DGKD: variants seen among roughly 807,000 people sequenced by gnomAD.
The protein encoded by DGKD is DAG kinase delta.
A neutral mutation model predicts 154.4 loss-of-function variants in DGKD; 68 were observed. The observed-to-expected ratio is 0.44, with a 90% CI of 0.36 to 0.54. The LOEUF (loss-of-function observed/expected upper bound fraction) is 0.54. Among genes scored for constraint, DGKD ranks in the 20% least tolerant of loss-of-function variants. The pLI is 0.00. For missense variants in DGKD, 1,343 were observed against 1,593.6 expected (o/e 0.84, Z 2.68); for synonymous variants, 693 against 638.0 (o/e 1.09, Z -1.30).
chr2:233,372,674 A>G (rs561231897), intron 1 of DGKD, among the ~76,000 whole-genome samples: 5 of 151,926 alleles, frequency 3.3e-5, no homozygotes, highest in South Asian at 2.1e-4. Context: ...ATTAGTCACA[A>G]TTGTCTGTGT....
intron 3 of DGKD, among the ~76,000 whole-genome samples, chr2:233,413,737 C>T (rs1352313714): frequency 6.6e-6 from 1 of 152,252 alleles, no homozygotes; most frequent in Non-Finnish European, 1.5e-5. Flanking sequence ...GTCAGGCTGG[C>T]AGGCTGTGGC....
intron 1 of DGKD, among the ~76,000 whole-genome samples, chr2:233,383,332 C>T (rs1239831590): frequency 2.6e-5 from 4 of 152,150 alleles, no homozygotes; most frequent in African/African-American, 7.2e-5. Flanking sequence ...TGAGCCACCG[C>T]GCCCAGCCCG....
At chr2:233,361,483 G>A (rs1294240821) in intron 1 of DGKD, among the ~76,000 whole-genome samples, 1 of 152,162 alleles carries the variant, frequency 6.6e-6, no homozygotes, top group Non-Finnish European at 1.5e-5. Flanking sequence ...CAAGGGAGGC[G>A]AGGCACTTGA....
chr2:233,410,508 A>T (rs7599218), intron 3 of DGKD, among the ~76,000 whole-genome samples: 1 of 152,114 alleles, frequency 6.6e-6, no homozygotes, highest in Non-Finnish European at 1.5e-5. Flanking sequence ...ACCAATGAAG[A>T]GATTGGGTAT....
intron 1 of DGKD, among the ~76,000 whole-genome samples, chr2:233,362,561 G>T (rs763838561): frequency 2.0e-5 from 3 of 152,194 alleles, no homozygotes; most frequent in Admixed American, 6.5e-5. Context: ...TGAGGCAGGA[G>T]CATCGCTTGA....
intron 1 of DGKD, among the ~76,000 whole-genome samples, chr2:233,378,360 C>T (rs1451674457): frequency 6.0e-5 from 9 of 150,058 alleles, no homozygotes; most frequent in Admixed American, 1.3e-4. Flanking sequence ...TGCAGTGAGC[C>T]GAGATTGTGC....
intron 12 of DGKD, 54 bp from the exon 13 acceptor site, chr2:233,448,033 A>C: frequency 2.5e-6 from 4 of 1,609,800 alleles, no homozygotes; most frequent in Non-Finnish European, 3.4e-6. Context: ...TGGGACTGTC[A>C]TGGAGCTTGC....
Position 233,469,577 on chromosome 2 carries a change from C to G in DGKD, c.*117C>G. On this transcript the variant is annotated 3_prime_UTR_variant, in exon 30 of 30. Coordinates refer to ENST00000264057, the MANE Select transcript of DGKD (RefSeq NM_152879.3). ...TGAGGCCCTGGGCAGATGCTGCAGC[C>G]CGCCCCCTTCTCATGGTGCTACTTC... 1 of 825,880 alleles carries G rather than the reference C, an allele frequency of 1.2e-6. No homozygotes were observed. The highest frequency in any genetic ancestry group is 2.7e-5 in the East Asian group (1 of 37,458). The allele number at this position is 825,880 out of a possible 1,614,324, so 51.2% of individuals were successfully genotyped here.
chr2:233,376,995 GA>G (rs373230419), intron 1 of DGKD, among the ~76,000 whole-genome samples: 2,380 of 140,448 alleles, frequency 0.017, 61 homozygotes, highest in African/African-American at 0.058. Context: ...TTTCTTTTTG[GA>G]AAAAAAAAAC....
At chr2:233,371,008 T>C (rs1031346470) in intron 1 of DGKD, among the ~76,000 whole-genome samples, 1 of 142,614 alleles carries the variant, frequency 7.0e-6, no homozygotes, top group Non-Finnish European at 1.5e-5. Flanking sequence ...TGCCTTGGCC[T>C]CCCAGAGTGC....
chr2:233,377,217 T>C (rs899636843), intron 1 of DGKD, among the ~76,000 whole-genome samples: 3 of 151,806 alleles, frequency 2.0e-5, no homozygotes, highest in Non-Finnish European at 2.9e-5. Context: ...CGAGTAGCTG[T>C]GATTACAGGT....
At chr2:233,450,334 G>C (rs1228040101) in intron 16 of DGKD, among the ~76,000 whole-genome samples, 1 of 152,156 alleles carries the variant, frequency 6.6e-6, no homozygotes, top group Admixed American at 6.5e-5. Context: ...TGTCTTGGTG[G>C]ACAGCAGTAG....
chr2:233,390,475 A>G lies in DGKD; in HGVS notation c.340A>G (p.Ser114Gly). The change falls in exon 3 of 30, where the codon AGT (serine) becomes GGT (glycine). Residue 114 changes from serine (S) to glycine (G), a missense_variant. Ser to Gly is a moderately conservative substitution (Grantham distance 56, BLOSUM62 0). Coordinates refer to ENST00000264057, the MANE Select transcript of DGKD (RefSeq NM_152879.3). Reference sequence around the variant, plus strand: ...ATCCAGTACCAAAAACGTCAACAACAGTTTTACGGTAAGATTCCTCAGTCA... The same window carrying G: ...ATCCAGTACCAAAAACGTCAACAACGGTTTTACGGTAAGATTCCTCAGTCA... ...AESSTKNVNN[S>G]FTVITPCRKL... 6.2e-7 allele frequency: 1 copy of G among 1,613,716 alleles called. No homozygotes were observed. Among genetic ancestry groups the G allele is most frequent in the East Asian group, 2.2e-5 (1 of 44,876 alleles).
intron 12 of DGKD, 137 bp downstream of exon 12, chr2:233,446,933 G>T (rs1016318624): frequency 2.0e-6 from 2 of 1,008,524 alleles, no homozygotes; most frequent in Non-Finnish European, 2.9e-6. Flanking sequence ...CTGCGGAGGC[G>T]CAGGGTGAAC....
chr2:233,430,418 A>G (rs1267765647), intron 3 of DGKD, among the ~76,000 whole-genome samples: 2 of 152,338 alleles, frequency 1.3e-5, no homozygotes, highest in South Asian at 2.1e-4. Flanking sequence ...GGATATTGCT[A>G]AGGAGTGATG....
intron 9 of DGKD, among the ~76,000 whole-genome samples, chr2:233,439,156 C>T (rs1013757932): frequency 1.2e-4 from 18 of 152,318 alleles, no homozygotes; most frequent in African/African-American, 3.8e-4. Flanking sequence ...AGTTCCAGGT[C>T]GGAGCTCTAA....
At chr2:233,439,467 G>A (rs1445877321) in intron 9 of DGKD, among the ~76,000 whole-genome samples, 2 of 152,218 alleles carry the variant, frequency 1.3e-5, no homozygotes, top group Non-Finnish European at 2.9e-5. Context: ...GCCTGCTTCC[G>A]CAAAGGCAGT....
At chr2:233,404,688 T>C (rs1559509214) in intron 3 of DGKD, among the ~76,000 whole-genome samples, 1 of 152,158 alleles carries the variant, frequency 6.6e-6, no homozygotes, top group Non-Finnish European at 1.5e-5. Flanking sequence ...CACATAACTT[T>C]AAAAAAGCAA....
In DGKD at chr2:233,449,225, G is replaced by T. The variant is rs1317566293; in HGVS notation, c.1737G>T (p.Gly579=). The change falls in exon 15 of 30, where the codon GGG becomes GGT. Residue 579 remains glycine, a synonymous_variant. Transcript: ENST00000264057. The surrounding 1 kb of genome is among the most constrained non-coding windows in gnomAD (Gnocchi z 5.3). ...CCGAGGAGGCTGAAGATGGAGATGGGTCGGGCAGCATCTGCGGTTCCACCG... is the reference window on the plus strand; with the variant it reads ...CCGAGGAGGCTGAAGATGGAGATGGTTCGGGCAGCATCTGCGGTTCCACCG... ...TIAEEAEDGD[G]SGSICGSTGD... The T allele has an allele frequency of 6.2e-7, 1 of 1,613,784 alleles. No individual in the cohort carries two copies. The highest frequency in any genetic ancestry group is 1.3e-5 in the African/African-American group (1 of 74,954).
Sources: allele counts gnomAD v4.1 joint callset (sites outside exome capture counted in the v4.1 genomes callset), GRCh38; gene constraint gnomAD v4.1.1; non-coding constraint Gnocchi (gnomAD v3.1); transcripts MANE v1.5; gene names NCBI Gene and HGNC (gene_info 2026-07-23, HGNC 2026-07-21).